Variants in ING5 observed in about 807,000 individuals in gnomAD.
ING5 encodes the protein inhibitor of growth protein 5.
Under a neutral mutation model 37.4 loss-of-function variants are expected in ING5, and 17 were observed. The observed-to-expected ratio is 0.45, with a 90% CI of 0.31 to 0.68. The LOEUF (loss-of-function observed/expected upper bound fraction) is 0.68, where lower values mean the gene tolerates loss of function less well. Among genes scored for constraint, ING5 ranks in the 30% least tolerant of loss-of-function variants. ING5 has a pLI of 0.05. For missense variants in ING5, 233 were observed against 311.9 expected (o/e 0.75, Z 1.91); for synonymous variants, 123 against 116.6 (o/e 1.06, Z -0.36).
At chr2:241,701,662 G>A (rs1432307832), upstream of ING5, among the ~76,000 whole-genome samples, 2 of 152,206 alleles carry the variant, frequency 1.3e-5, no homozygotes, top group Non-Finnish European at 2.9e-5. Context: ...ACCCGGCCGG[G>A]AGCAGGGGTC....
chr2:241,698,664 A>G (rs1405196966), upstream of ING5, among the ~76,000 whole-genome samples: 1 of 152,138 alleles, frequency 6.6e-6, no homozygotes, highest in Non-Finnish European at 1.5e-5. Flanking sequence ...TAGGACTGAA[A>G]GCTGAACAAG....
In ING5 at chr2:241,723,577, G is replaced by C. The variant is rs538800092; in HGVS notation, c.680+306G>C. ...GCCCCTCCTGAAGGACAACCTTCCG[G>C]ACTCTGGGAGGTAGGGATCGTCTTA... On this transcript the variant is annotated intron_variant, in intron 7 of 7. Transcript: ENST00000313552. Among the ~76,000 whole-genome samples, 4 of 152,370 alleles carry C rather than the reference G, an allele frequency of 2.6e-5. No individual in the cohort carries two copies. The South Asian group carries it at 8.3e-4, about 32-fold the overall frequency.
intron 5 of ING5, among the ~76,000 whole-genome samples, chr2:241,716,163 C>T (rs1267944618): frequency 6.6e-6 from 1 of 151,784 alleles, no homozygotes; most frequent in Non-Finnish European, 1.5e-5. Flanking sequence ...GATTTAGGTT[C>T]ACCATCTTGC....
chr2:241,719,838 T>C lies in ING5; in HGVS notation c.483-3101T>C, dbSNP rs962312974. 6.4e-5 allele frequency: 90 copies of C among 1,402,450 alleles called. No individual in the cohort carries two copies. In the Admixed American group the frequency reaches 9.4e-4, roughly 15 times the overall value. 86.9% of individuals were successfully genotyped at this position (1,402,450 alleles called of 1,614,324 possible). A position where few individuals can be genotyped will look rare whatever the true frequency, so the allele number is the denominator to read the frequency against. On this transcript the variant is annotated intron_variant, in intron 5 of 7. Transcript: ENST00000313552. ...CACTGTTTAGTAGCAATGCGGAGCC[T>C]GGGAGCTCAGCGCTGCCTGCCGTGC... is the stretch of plus-strand genomic sequence containing the variant.
upstream of ING5, among the ~76,000 whole-genome samples, chr2:241,698,540 G>GT (rs1553580064): frequency 1.4e-4 from 20 of 138,900 alleles, no homozygotes; most frequent in Non-Finnish European, 2.5e-4. Context: ...TGTGTGTGTG[G>GT]AGGAGTATAT....
chr2:241,722,256 G>C (rs2070452279), intron 5 of ING5: 2 of 985,424 alleles, frequency 2.0e-6, no homozygotes, highest in South Asian at 4.7e-5. Context: ...TGCTGGCAGA[G>C]GTGACGTGTG....
chr2:241,709,134 G>A (rs7568408), intron 2 of ING5, 82 bp from the exon 3 acceptor site: 610,492 of 1,444,842 alleles, frequency 0.42, 135,731 homozygotes, highest in Middle Eastern at 0.5. Context: ...ACTTGGCGTT[G>A]GCTGACTTTA....
chr2:241,697,189 A>G (rs1282010569), upstream of ING5, among the ~76,000 whole-genome samples: 1 of 152,046 alleles, frequency 6.6e-6, no homozygotes, highest in East Asian at 1.9e-4. Flanking sequence ...TAATCCTAGC[A>G]CTTTGGGAGG....
chr2:241,716,018 C>G (rs1660615902), intron 5 of ING5, among the ~76,000 whole-genome samples: 2 of 152,000 alleles, frequency 1.3e-5, no homozygotes, highest in Non-Finnish European at 2.9e-5. Flanking sequence ...GTCTCGAACT[C>G]CTGACCTCAA....
At chr2:241,703,974 G>A (rs2069823918) in intron 1 of ING5, among the ~76,000 whole-genome samples, 1 of 152,144 alleles carries the variant, frequency 6.6e-6, no homozygotes, top group Admixed American at 6.6e-5. Context: ...TCAATGCACT[G>A]GATTTCTGGG....
chr2:241,719,370 C>T (rs966435296), intron 5 of ING5: 1 of 672,468 alleles, frequency 1.5e-6, no homozygotes, highest in African/African-American at 1.8e-5. Context: ...CCCAACCCCC[C>T]AACACCCCCC....
rs953904602 is a variant in ING5, at chr2:241,727,908, G to A, written c.*2877G>A. 4 of 152,236 alleles carry A rather than the reference G, an allele frequency of 2.6e-5. No individual in the cohort carries two copies. Among genetic ancestry groups the A allele is most frequent in the African/African-American group, 9.6e-5 (4 of 41,454 alleles). 9.4% of individuals were successfully genotyped at this position (152,236 alleles called of 1,614,324 possible). ...TGTGGGACGCTTTTGTCTGACACGT[G>A]ATGATGTGGTCCTGCCTGCCACTGT... On this transcript the variant is annotated 3_prime_UTR_variant, in exon 8 of 8. Coordinates refer to ENST00000313552, the MANE Select transcript of ING5 (RefSeq NM_032329.6).
intron 5 of ING5, among the ~76,000 whole-genome samples, chr2:241,714,809 TG>T (rs927921267): frequency 2.6e-5 from 4 of 152,162 alleles, no homozygotes; most frequent in Non-Finnish European, 5.9e-5. Context: ...TTGCCCAGGC[TG>T]GTCTCAAACA....
intron 1 of ING5, among the ~76,000 whole-genome samples, chr2:241,689,077 A>G (rs2069505878): frequency 6.6e-6 from 1 of 151,976 alleles, no homozygotes; most frequent in African/African-American, 2.4e-5. Flanking sequence ...CTGAGATTAC[A>G]GGCGTGAGCC....
At chr2:241,724,337 G>A (rs1335879097) in intron 7 of ING5, among the ~76,000 whole-genome samples, 1 of 152,228 alleles carries the variant, frequency 6.6e-6, no homozygotes, top group African/African-American at 2.4e-5. Context: ...CTGGGGGATG[G>A]TGCACCGAGG....
In ING5 at chr2:241,724,851, G is replaced by A. The variant is rs1432641073; in HGVS notation, c.681-138G>A. 1.5e-4 allele frequency: 115 copies of A among 785,238 alleles called. No individual in the cohort carries two copies. The East Asian group carries it at 2.9e-3, about 20-fold the overall frequency. 48.6% of individuals were successfully genotyped at this position (785,238 alleles called of 1,614,324 possible). ...GCATTTTCCCTGCGGGAGGGCCGCG[G>A]CCCCACTGCGTGTGCCTCTCCTGGT... On this transcript the variant is annotated intron_variant, in intron 7 of 7. Coordinates refer to ENST00000313552, the MANE Select transcript of ING5 (RefSeq NM_032329.6).
upstream of ING5, chr2:241,687,073 G>C (rs1181618149): frequency 1.8e-5 from 7 of 397,630 alleles, no homozygotes; most frequent in Admixed American, 3.2e-4. Flanking sequence ...GCTCCGGGAG[G>C]GGAGGTGACG....
intron 2 of ING5, among the ~76,000 whole-genome samples, chr2:241,705,176 A>G (rs2069864962): frequency 6.6e-6 from 1 of 151,542 alleles, no homozygotes; most frequent in Non-Finnish European, 1.5e-5. Flanking sequence ...CTGGGTTCAC[A>G]CCATTCTCTT....
chr2:241,721,907 G>C (rs1471089024), intron 5 of ING5: 2 of 985,572 alleles, frequency 2.0e-6, no homozygotes, highest in African/African-American at 3.5e-5. Context: ...AGGCATAGAC[G>C]GGGTGGAACA....
Sources: gnomAD v4.1 joint callset for allele counts (sites outside exome capture counted in the v4.1 genomes callset) on GRCh38, gnomAD v4.1.1 for gene constraint, MANE v1.5 for transcripts, NCBI Gene and HGNC (gene_info 2026-07-23, HGNC 2026-07-21) for gene names.